Variants in SIRT4 observed in about 807,000 individuals in gnomAD.
SIRT4 encodes NAD-dependent protein lipoamidase sirtuin-4, mitochondrial.
In SIRT4, 23 loss-of-function variants were observed where a neutral mutation model predicts 26.1. That is an observed-to-expected ratio of 0.88 (90% confidence interval 0.63 to 1.25). The LOEUF is 1.25. Among genes scored for constraint, SIRT4 ranks in the 50% most tolerant of loss-of-function variants. The pLI, the probability that SIRT4 is intolerant of heterozygous loss-of-function variation, is 0.00. For missense variants in SIRT4, 361 were observed against 405.4 expected, an observed-to-expected ratio of 0.89 and a Z score of 0.94; for synonymous variants, 155 against 158.4, an observed-to-expected ratio of 0.98 and a Z score of 0.16.
intron 2 of SIRT4, among the ~76,000 whole-genome samples, chr12:120,309,301 C>A (rs531917393): frequency 6.6e-6 from 1 of 152,232 alleles, no homozygotes; most frequent in African/African-American, 2.4e-5. Context: ...CACCCAGATT[C>A]CAAGGTTTTA....
chr12:120,309,997 G>C (rs1566465548), intron 2 of SIRT4, among the ~76,000 whole-genome samples: 1 of 152,052 alleles, frequency 6.6e-6, no homozygotes, highest in Non-Finnish European at 1.5e-5. Context: ...GATTACAGGT[G>C]TGAGTCACCG....
intron 2 of SIRT4, 23 bp downstream of exon 2, chr12:120,304,081 G>T: frequency 6.3e-7 from 1 of 1,598,858 alleles, no homozygotes; most frequent in South Asian, 1.1e-5. Flanking sequence ...TACACGGTTT[G>T]AACGCAAACC....
At chr12:120,305,447 G>C (rs959792307) in intron 2 of SIRT4, among the ~76,000 whole-genome samples, 17 of 152,090 alleles carry the variant, frequency 1.1e-4, no homozygotes, top group South Asian at 2.1e-4. Context: ...TTTTTGTAGA[G>C]ACGAAGTCTT....
intron 2 of SIRT4, among the ~76,000 whole-genome samples, chr12:120,304,835 ATTTTTTTTTTTT>A (rs1169655844): frequency 4.8e-4 from 12 of 24,848 alleles, no homozygotes; most frequent in African/African-American, 1.5e-3. Context: ...ATATATATAT[ATTTTTTTTTTTT>A]TTTTTTTTTT....
chr12:120,296,990 C>T, the SIRT4 span, among the ~76,000 whole-genome samples: 1 of 149,304 alleles, frequency 6.7e-6, no homozygotes, highest in Non-Finnish European at 1.5e-5. Flanking sequence ...TTTGGGAGGC[C>T]GAGGCGGGTG....
chr12:120,308,564 T>C (rs1041877920), intron 2 of SIRT4, among the ~76,000 whole-genome samples: 16 of 152,002 alleles, frequency 1.1e-4, no homozygotes, highest in African/African-American at 3.4e-4. Context: ...TGAAGGGAAG[T>C]TGTAGATCCC....
the SIRT4 span, chr12:120,293,228 G>C: frequency 6.6e-6 from 1 of 152,206 alleles, no homozygotes; most frequent in African/African-American, 2.4e-5. Context: ...TACTGCCACT[G>C]CGCAAAGCTA....
chr12:120,299,934 T>C (rs1299790257), upstream of SIRT4, among the ~76,000 whole-genome samples: 4 of 151,984 alleles, frequency 2.6e-5, no homozygotes, highest in Admixed American at 2.6e-4. Flanking sequence ...AAAGCATCTT[T>C]CTGGAGAGCT....
the SIRT4 span, among the ~76,000 whole-genome samples, chr12:120,296,995 C>A: frequency 6.7e-6 from 1 of 150,082 alleles, no homozygotes. Context: ...GAGGCCGAGG[C>A]GGGTGGATCA....
At chr12:120,293,198 A>AT in the SIRT4 span, 3 of 152,190 alleles carry the variant, frequency 2.0e-5, no homozygotes, top group Admixed American at 6.6e-5. Flanking sequence ...CGCGCCTCGG[A>AT]TAGACCTCAT....
chr12:120,291,902 C>G, the SIRT4 span: 2 of 152,212 alleles, frequency 1.3e-5, no homozygotes, highest in Non-Finnish European at 2.9e-5. Context: ...CTGCGCAAAG[C>G]TGGAAAGGTT....
the SIRT4 span, chr12:120,293,149 A>G: frequency 6.6e-6 from 1 of 152,108 alleles, no homozygotes; most frequent in Non-Finnish European, 1.5e-5. Context: ...GCAAGTCGTC[A>G]CGGCGGGGTA....
At chr12:120,306,007 G>A (rs1259706862) in intron 2 of SIRT4, among the ~76,000 whole-genome samples, 122 of 145,212 alleles carry the variant, frequency 8.4e-4, no homozygotes, top group African/African-American at 2.9e-3. Context: ...GCGAGACTCC[G>A]TCTCAAAAAA....
chr12:120,299,431 A>G (rs1045198815), upstream of SIRT4, among the ~76,000 whole-genome samples: 4 of 151,266 alleles, frequency 2.6e-5, no homozygotes, highest in African/African-American at 9.7e-5. Context: ...GAGCGCCTGT[A>G]ATCCTAGCTA....
chr12:120,295,418 A>G, the SIRT4 span, among the ~76,000 whole-genome samples: 1 of 37,576 alleles, frequency 2.7e-5, no homozygotes. Flanking sequence ...ATATATAGAT[A>G]ATTTTTTTTT....
intron 2 of SIRT4, 119 bp from the exon 3 acceptor site, chr12:120,312,335 TTG>T: frequency 3.4e-6 from 3 of 889,276 alleles, no homozygotes; most frequent in East Asian, 2.4e-5. Flanking sequence ...GGGGTGGGGA[TTG>T]TGTGTTAGGG....
upstream of SIRT4, among the ~76,000 whole-genome samples, chr12:120,298,150 G>A (rs1379344137): frequency 6.9e-6 from 1 of 143,930 alleles, no homozygotes; most frequent in African/African-American, 2.6e-5. Context: ...GAGCCAAGAT[G>A]GCGCCATTGC....
At chr12:120,298,811 G>A (rs1314664294), upstream of SIRT4, among the ~76,000 whole-genome samples, 1 of 151,610 alleles carries the variant, frequency 6.6e-6, no homozygotes, top group East Asian at 1.9e-4. Flanking sequence ...GGAGGCTGAG[G>A]CAGGAGAATC....
Position 120,312,096 on chromosome 12 carries a change from GAC to G in SIRT4, c.498-356_498-355del, listed in dbSNP as rs1213548001. Among the ~76,000 whole-genome samples the G allele has an allele frequency of 3.9e-5, 6 of 152,034 alleles. No homozygotes were observed. The South Asian group carries it at 8.3e-4, about 21-fold the overall frequency. On this transcript the variant is annotated intron_variant, in intron 2 of 3. Transcript: ENST00000202967. ...CCAGGAGTTTGAGACCAGCCTGGGCGACACAGTGAAACACCGTCTCTACCAAA... is the reference window on the plus strand; with the variant it reads ...CCAGGAGTTTGAGACCAGCCTGGGCGACAGTGAAACACCGTCTCTACCAAA...
Sources: allele counts gnomAD v4.1 joint callset (sites outside exome capture counted in the v4.1 genomes callset), GRCh38; gene constraint gnomAD v4.1.1; transcripts MANE v1.5; gene names NCBI Gene and HGNC (gene_info 2026-07-23, HGNC 2026-07-21).